NRXN1: variants seen among roughly 807,000 people sequenced by gnomAD.
NRXN1 encodes neurexin 1.
In NRXN1, 39 loss-of-function variants were observed where a neutral mutation model predicts 150.9. The observed-to-expected ratio is 0.26, with a 90% CI of 0.20 to 0.34. NRXN1 has a LOEUF of 0.34. Among genes scored for constraint, NRXN1 ranks in the 10% least tolerant of loss-of-function variants. NRXN1 has a pLI of 1.00. For missense variants in NRXN1, 1,815 were observed against 1,949.9 expected, an observed-to-expected ratio of 0.93 and a Z score of 1.30; for synonymous variants, 924 against 757.0, an observed-to-expected ratio of 1.22 and a Z score of -3.62.
intron 4 of NRXN1, among the ~76,000 whole-genome samples, chr2:50,922,199 G>C (rs960564693): frequency 1.3e-5 from 2 of 151,806 alleles, no homozygotes; most frequent in African/African-American, 4.8e-5. Flanking sequence ...ACTATACTCA[G>C]CATTCTACAA....
chr2:50,832,666 A>T (rs1375546642), intron 5 of NRXN1, among the ~76,000 whole-genome samples: 4 of 129,532 alleles, frequency 3.1e-5, no homozygotes, highest in African/African-American at 1.1e-4. Flanking sequence ...TCTCAAAAAC[A>T]AACAAACAAA....
At chr2:50,926,067 G>T in intron 2 of NRXN1, 112 bp from the exon 3 acceptor site, 1 of 791,802 alleles carries the variant, frequency 1.3e-6, no homozygotes, top group Non-Finnish European at 2.2e-6. Flanking sequence ...AACACATCAT[G>T]CAAGTGCTCC....
chr2:50,865,580 ATGTG>A (rs112867077), intron 5 of NRXN1, among the ~76,000 whole-genome samples: 1,361 of 130,752 alleles, frequency 0.01, 20 homozygotes, highest in African/African-American at 0.034. Flanking sequence ...AAATATATAA[ATGTG>A]TGTGTGTGTG....
At chr2:50,809,585 A>C (rs921296759) in intron 5 of NRXN1, among the ~76,000 whole-genome samples, 1 of 152,104 alleles carries the variant, frequency 6.6e-6, no homozygotes, top group African/African-American at 2.4e-5. Flanking sequence ...TCCTGAGATA[A>C]ACTTGATTTT....
intron 2 of NRXN1, among the ~76,000 whole-genome samples, chr2:50,957,958 C>CT (rs1692535317): frequency 6.6e-6 from 1 of 151,970 alleles, no homozygotes; most frequent in African/African-American, 2.4e-5. Context: ...CAAGAGTTAG[C>CT]TTTTTTTGTA....
chr2:50,219,953 A>ATATT (rs1491227131), intron 18 of NRXN1, among the ~76,000 whole-genome samples: 18 of 62,454 alleles, frequency 2.9e-4, no homozygotes, highest in African/African-American at 2.0e-3. Flanking sequence ...TTATATATAT[A>ATATT]ATATATATAT....
intron 5 of NRXN1, among the ~76,000 whole-genome samples, chr2:50,634,000 A>T (rs1363133275): frequency 6.6e-6 from 1 of 152,174 alleles, no homozygotes; most frequent in Non-Finnish European, 1.5e-5. Context: ...ATCTGGACAA[A>T]GAATAGAAAG....
intron 8 of NRXN1, among the ~76,000 whole-genome samples, chr2:50,591,252 G>A (rs1413873403): frequency 1.4e-5 from 2 of 139,988 alleles, no homozygotes; most frequent in Non-Finnish European, 3.0e-5. Context: ...TAAAATGTCT[G>A]ATGACTCGAC....
chr2:50,949,580 C>T (rs776522700), intron 2 of NRXN1, among the ~76,000 whole-genome samples: 3 of 151,992 alleles, frequency 2.0e-5, no homozygotes, highest in African/African-American at 4.8e-5. Context: ...TAGTGCAATC[C>T]AGACATCCTG....
intron 17 of NRXN1, among the ~76,000 whole-genome samples, chr2:50,264,203 T>C (rs1042400079): frequency 5.3e-5 from 8 of 152,002 alleles, no homozygotes; most frequent in Non-Finnish European, 1.2e-4. Flanking sequence ...TATATTTTCC[T>C]TAAAGAAAAA....
At chr2:50,453,888 A>G (rs746175131) in intron 17 of NRXN1, among the ~76,000 whole-genome samples, 1 of 152,212 alleles carries the variant, frequency 6.6e-6, no homozygotes, top group Non-Finnish European at 1.5e-5. Flanking sequence ...TAAAGCTTAC[A>G]TAAAAAAGAT....
intron 18 of NRXN1, among the ~76,000 whole-genome samples, chr2:50,103,271 C>G (rs1175546474): frequency 2.0e-5 from 3 of 152,000 alleles, no homozygotes; most frequent in Non-Finnish European, 4.4e-5. Flanking sequence ...GGTGGAATGT[C>G]TTGTTAACTT....
At chr2:50,927,058 A>T (rs528199594) in intron 2 of NRXN1, among the ~76,000 whole-genome samples, 10 of 152,008 alleles carry the variant, frequency 6.6e-5, no homozygotes, top group African/African-American at 9.6e-5. Flanking sequence ...AGTAAACTCT[A>T]CCCATGTTGA....
chr2:50,467,927 A>G (rs188104475), intron 16 of NRXN1, among the ~76,000 whole-genome samples: 2 of 151,696 alleles, frequency 1.3e-5, no homozygotes, highest in African/African-American at 4.8e-5. Context: ...TTTTTGTTCC[A>G]AACTGTGAGA....
chr2:50,818,124 A>T (rs972653411), intron 5 of NRXN1, among the ~76,000 whole-genome samples: 49 of 151,482 alleles, frequency 3.2e-4, no homozygotes, highest in Non-Finnish European at 6.3e-4. Context: ...CAAAAAAAAA[A>T]AAAAAAAAAA....
intron 5 of NRXN1, among the ~76,000 whole-genome samples, chr2:50,840,115 T>C (rs903805844): frequency 6.6e-6 from 1 of 152,170 alleles, no homozygotes; most frequent in Non-Finnish European, 1.5e-5. Flanking sequence ...CTTACTGGAA[T>C]CTCAGATTGA....
intron 5 of NRXN1, among the ~76,000 whole-genome samples, chr2:50,878,554 A>C (rs1406258916): frequency 6.6e-6 from 1 of 151,806 alleles, no homozygotes; most frequent in Non-Finnish European, 1.5e-5. Flanking sequence ...CTTTTTATAA[A>C]CTCTGTAATT....
At chr2:50,090,909 A>C (rs1019191999) in intron 19 of NRXN1, among the ~76,000 whole-genome samples, 1 of 152,122 alleles carries the variant, frequency 6.6e-6, no homozygotes, top group Admixed American at 6.5e-5. Context: ...CCATCTGAGG[A>C]AGCGTTAGGT....
intron 5 of NRXN1, among the ~76,000 whole-genome samples, chr2:50,857,125 C>A (rs1220732293): frequency 6.6e-6 from 1 of 152,068 alleles, no homozygotes; most frequent in Admixed American, 6.6e-5. Flanking sequence ...GATTTGGAGA[C>A]TATTTTAATT....
Sources: gnomAD v4.1 joint callset for allele counts (sites outside exome capture counted in the v4.1 genomes callset) on GRCh38, gnomAD v4.1.1 for gene constraint, MANE v1.5 for transcripts, NCBI Gene and HGNC (gene_info 2026-07-23, HGNC 2026-07-21) for gene names.